URI1: variants seen among roughly 807,000 people sequenced by gnomAD.
URI1 encodes unconventional prefoldin RPB5 interactor 1.
In URI1, 39 loss-of-function variants were observed where a neutral mutation model predicts 60.2. The ratio of observed to expected loss-of-function variants is 0.65; its 90% CI spans 0.50 to 0.85. The LOEUF (loss-of-function observed/expected upper bound fraction) is 0.85, where lower values mean the gene tolerates loss of function less well. Among genes scored for constraint, URI1 ranks in the 40% least tolerant of loss-of-function variants. The pLI is 0.00. For missense variants in URI1, 691 were observed against 665.9 expected (o/e 1.04, Z -0.42); for synonymous variants, 251 against 236.8 (o/e 1.06, Z -0.55).
At chr19:30,007,063 G>A (rs2055952530) in intron 6 of URI1, among the ~76,000 whole-genome samples, 1 of 152,076 alleles carries the variant, frequency 6.6e-6, no homozygotes, top group Admixed American at 6.6e-5. Flanking sequence ...GAGTAAGGAT[G>A]GTAAATGGAA....
At chr19:30,001,079 A>G (rs1599718292) in intron 4 of URI1, among the ~76,000 whole-genome samples, 1 of 151,076 alleles carries the variant, frequency 6.6e-6, no homozygotes, top group African/African-American at 2.4e-5. Flanking sequence ...TTTCTTTTAA[A>G]GTTTTCATCT....
intron 4 of URI1, among the ~76,000 whole-genome samples, chr19:30,002,939 G>A (rs1016240961): frequency 6.6e-5 from 10 of 151,854 alleles, no homozygotes; most frequent in South Asian, 2.1e-4. Flanking sequence ...TGTTTGGAGC[G>A]TTAAAATTGA....
chr19:30,007,324 C>T, intron 6 of URI1, 146 bp from the exon 7 acceptor site: 1 of 833,470 alleles, frequency 1.2e-6, no homozygotes, highest in Non-Finnish European at 1.8e-6. Flanking sequence ...AAGAGACATT[C>T]ATCCTTGGAG....
intron 1 of URI1, among the ~76,000 whole-genome samples, chr19:29,950,800 A>G (rs2055170533): frequency 2.6e-5 from 4 of 152,224 alleles, no homozygotes; most frequent in South Asian, 4.1e-4. Context: ...TTACTATGGC[A>G]TTTGACTCTC....
intron 2 of URI1, among the ~76,000 whole-genome samples, chr19:29,979,484 A>G (rs747918375): frequency 6.6e-6 from 1 of 152,158 alleles, no homozygotes; most frequent in Non-Finnish European, 1.5e-5. Context: ...ACACATGTGT[A>G]TGGTTGTTGT....
rs1299839767 is a variant in URI1 at position 30,009,188 on chromosome 19, G to A, written c.870G>A (p.Val290=). Reference sequence around the variant, plus strand: ...TGAATAGTCAGTTGAACTGTTCAGTGAATGGTTCCAGTTCTTACCACAGTG... The same window carrying A: ...TGAATAGTCAGTTGAACTGTTCAGTAAATGGTTCCAGTTCTTACCACAGTG... ...GQVNSQLNCS[V]NGSSSYHSDD... is the part of the protein sequence containing the mutation. The change falls in exon 8 of 11, where the codon GTG becomes GTA. Residue 290 remains valine, a synonymous_variant. Transcript: ENST00000392271. The A allele has an allele frequency of 3.1e-6, 5 of 1,613,514 alleles. No individual in the cohort carries two copies. The highest frequency in any genetic ancestry group is 4.2e-6 in the Non-Finnish European group (5 of 1,179,918).
intron 1 of URI1, among the ~76,000 whole-genome samples, chr19:29,957,731 TG>T (rs2055267585): frequency 6.6e-6 from 1 of 152,172 alleles, no homozygotes. Context: ...AGAATTAAGA[TG>T]TTTACAATAT....
At chr19:29,959,519 T>A (rs1424595122) in intron 1 of URI1, among the ~76,000 whole-genome samples, 1 of 152,230 alleles carries the variant, frequency 6.6e-6, no homozygotes, top group African/African-American at 2.4e-5. Flanking sequence ...ATGGAGATTT[T>A]AAGATACGAC....
chr19:29,983,057 T>G (rs1346981974), intron 2 of URI1, among the ~76,000 whole-genome samples: 1 of 152,242 alleles, frequency 6.6e-6, no homozygotes, highest in Non-Finnish European at 1.5e-5. Flanking sequence ...TTTTGCCATT[T>G]TATCCATATA....
chr19:30,010,231 ATTCTT>A (rs1178295259), intron 8 of URI1, among the ~76,000 whole-genome samples: 1 of 152,196 alleles, frequency 6.6e-6, no homozygotes, highest in Non-Finnish European at 1.5e-5. Context: ...CTGTGGTATC[ATTCTT>A]AAGTGTGTGT....
At chr19:29,951,104 A>G (rs2055173974) in intron 1 of URI1, among the ~76,000 whole-genome samples, 1 of 152,172 alleles carries the variant, frequency 6.6e-6, no homozygotes, top group Admixed American at 6.5e-5. Context: ...AAAAACACAC[A>G]CACACATACA....
At chr19:29,941,195 C>T (rs893920660), upstream of URI1, among the ~76,000 whole-genome samples, 2 of 152,128 alleles carry the variant, frequency 1.3e-5, no homozygotes, top group Admixed American at 6.6e-5. Context: ...TGATGTGGAA[C>T]GAACACGACC....
chr19:29,937,772 T>A (rs1322229612), upstream of URI1: 1 of 152,180 alleles, frequency 6.6e-6, no homozygotes, highest in East Asian at 1.9e-4. Context: ...GAGTCTGTGC[T>A]AATCCCTCAG....
chr19:29,997,458 AT>A (rs762282313), intron 4 of URI1, among the ~76,000 whole-genome samples: 10 of 152,026 alleles, frequency 6.6e-5, no homozygotes, highest in Non-Finnish European at 1.2e-4. Context: ...TCTAATAAAG[AT>A]TTGTCAATTT....
At chr19:29,944,283 C>T (rs181270837) in intron 1 of URI1, among the ~76,000 whole-genome samples, 95 of 147,378 alleles carry the variant, frequency 6.4e-4, no homozygotes, top group Non-Finnish European at 1.5e-5. Context: ...GAAAAAACAG[C>T]CCCTCATGAA....
At chr19:29,953,971 C>T (rs576200189) in intron 1 of URI1, among the ~76,000 whole-genome samples, 4 of 151,920 alleles carry the variant, frequency 2.6e-5, no homozygotes, top group Non-Finnish European at 5.9e-5. Context: ...AAGAAAGAAA[C>T]TAAAAAAATA....
intron 1 of URI1, among the ~76,000 whole-genome samples, chr19:29,932,437 C>T (rs940971689): frequency 1.3e-5 from 2 of 151,958 alleles, no homozygotes; most frequent in Admixed American, 6.6e-5. Flanking sequence ...CTGCCTCAGC[C>T]TCCCAAGTAA....
intron 8 of URI1, 117 bp downstream of exon 8, chr19:30,009,470 A>C: frequency 9.5e-7 from 1 of 1,048,812 alleles, no homozygotes; most frequent in South Asian, 1.7e-5. Flanking sequence ...CCAGACAGGA[A>C]AATCATCTTT....
chr19:29,942,102 G>A, upstream of URI1: 2 of 485,380 alleles, frequency 4.1e-6, no homozygotes, highest in Non-Finnish European at 2.7e-6. Flanking sequence ...TACAAACGCA[G>A]CCCAGCGCGG....
Sources: allele counts gnomAD v4.1 joint callset (sites outside exome capture counted in the v4.1 genomes callset), GRCh38; gene constraint gnomAD v4.1.1; transcripts MANE v1.5; gene names NCBI Gene and HGNC (gene_info 2026-07-23, HGNC 2026-07-21).